The following JAKMIP1 variants were observed in gnomAD, a reference collection of about 807,000 sequenced individuals.
The protein encoded by JAKMIP1 is janus kinase and microtubule-interacting protein 1.
JAKMIP1 carries 33 observed loss-of-function variants against 113.0 expected under a neutral mutation model. The ratio of observed to expected loss-of-function variants is 0.29; its 90% CI spans 0.22 to 0.39. The LOEUF (loss-of-function observed/expected upper bound fraction) is 0.39, where lower values mean the gene tolerates loss of function less well. Among genes scored for constraint, JAKMIP1 ranks in the 10% least tolerant of loss-of-function variants. JAKMIP1 has a pLI of 1.00. For missense variants in JAKMIP1, 813 were observed against 1,080.5 expected (o/e 0.75, Z 3.47); for synonymous variants, 480 against 459.9 (o/e 1.04, Z -0.56).
chr4:6,190,263 A>G (rs1727107028), intron 1 of JAKMIP1, among the ~76,000 whole-genome samples: 1 of 152,222 alleles, frequency 6.6e-6, no homozygotes, highest in Non-Finnish European at 1.5e-5. Flanking sequence ...CATATAGATC[A>G]TAAGATGGTT....
At position 6,157,868 on chromosome 4, in the gene JAKMIP1, A is replaced by C. The variant is rs891998042; in HGVS notation, c.-148+42385T>G. 6.6e-6 allele frequency among the ~76,000 whole-genome samples: 1 copy of C among 152,180 alleles called. No individual in the cohort carries two copies. Among genetic ancestry groups the C allele is most frequent in the Non-Finnish European group, 1.5e-5 (1 of 68,026 alleles). On this transcript the variant is annotated intron_variant, in intron 1 of 20. Transcript: ENST00000409021. This position sits in a 1 kb window ranked among gnomAD's most constrained non-coding sequence, Gnocchi z 4.7. ...CAACACAGCTAACAGATTGTTGTCTATTTCCTTTCCTTGGGCTCTGTTAGA... is the reference window on the plus strand; with the variant it reads ...CAACACAGCTAACAGATTGTTGTCTCTTTCCTTTCCTTGGGCTCTGTTAGA...
chr4:6,049,619 A>C lies in JAKMIP1; in HGVS notation c.1962+200T>G, dbSNP rs181146897. Among the ~76,000 whole-genome samples, 1 of 152,182 alleles carries C rather than the reference A, an allele frequency of 6.6e-6. No individual in the cohort carries two copies. The highest frequency in any genetic ancestry group is 1.9e-4 in the East Asian group (1 of 5,180). On this transcript the variant is annotated intron_variant, in intron 15 of 20. Coordinates refer to ENST00000409021, the MANE Select transcript of JAKMIP1 (RefSeq NM_001099433.2). This position sits in a 1 kb window ranked among gnomAD's most constrained non-coding sequence, Gnocchi z 7.0. ...CCTCCTCACTCAACAGGCCAGGGGA[A>C]TCTAACTTCGGAACCCCACTTCTGA...
rs1008936182 is a variant in JAKMIP1 at position 6,105,613 on chromosome 4, G to A, written c.484C>T (p.Arg162Cys). ...CTGAGCGCCTCCTCTGCCTGCTTGC[G>A]CGCTGCCTTGAGCTCCAGGATCTCC... ...QQEILELKAA[R>C]KQAEEALSNC... Residue 162 changes from arginine (R) to cysteine (C), a missense_variant, in exon 3 of 21, where the codon CGC (arginine) becomes TGC (cysteine). By Grantham distance (180) the Arg-to-Cys change is radical (BLOSUM62 -3). Coordinates refer to ENST00000409021, the MANE Select transcript of JAKMIP1 (RefSeq NM_001099433.2). The A allele has an allele frequency of 2.5e-6, 4 of 1,594,604 alleles. No individual in the cohort carries two copies. The highest frequency in any genetic ancestry group is 1.8e-5 in the Admixed American group (1 of 56,892).
chr4:6,132,169 AC>A (rs1205877312), intron 1 of JAKMIP1, among the ~76,000 whole-genome samples: 2 of 152,214 alleles, frequency 1.3e-5, no homozygotes, highest in Non-Finnish European at 2.9e-5. Flanking sequence ...GAGAGACGAA[AC>A]GGGACTCATG....
rs189639312 is a variant in JAKMIP1, at chr4:6,059,815, C to T, written c.1644+609G>A. Among the ~76,000 whole-genome samples the T allele has an allele frequency of 3.5e-4, 54 of 152,256 alleles. 1 individual carries two copies. In the South Asian group the frequency reaches 6.6e-3, roughly 19 times the overall value. ...GAGGAGGCCGACCCATACGAACCTT[C>T]GCATGCCACCCCGAGAGGCCAGATT... is the stretch of plus-strand genomic sequence containing the variant. On this transcript the variant is annotated intron_variant, in intron 11 of 20. Coordinates refer to ENST00000409021, the MANE Select transcript of JAKMIP1 (RefSeq NM_001099433.2). The surrounding 1 kb of genome is among the most constrained non-coding windows in gnomAD (Gnocchi z 4.8).
At chr4:6,072,131 G>A (rs1016579795) in intron 8 of JAKMIP1, among the ~76,000 whole-genome samples, 1 of 152,164 alleles carries the variant, frequency 6.6e-6, no homozygotes, top group Non-Finnish European at 1.5e-5. Context: ...CTGAGCACAA[G>A]ACAATTACAT....
rs1182080424 is a variant in JAKMIP1 at position 6,178,563 on chromosome 4, C to G, written c.-148+21690G>C. 6.6e-6 allele frequency among the ~76,000 whole-genome samples: 1 copy of G among 152,076 alleles called. No homozygotes were observed. Among genetic ancestry groups the G allele is most frequent in the Non-Finnish European group, 1.5e-5 (1 of 68,012 alleles). On this transcript the variant is annotated intron_variant, in intron 1 of 20. Transcript: ENST00000409021. The surrounding 1 kb of genome is among the most constrained non-coding windows in gnomAD (Gnocchi z 5.5). Reference sequence around the variant, plus strand: ...GATGATATTGGAAGCATTTCATGAACCGGGATATTTCGAAACTGCATCTCC... The same window carrying G: ...GATGATATTGGAAGCATTTCATGAAGCGGGATATTTCGAAACTGCATCTCC...
chr4:6,174,197 C>T (rs1312245670), intron 1 of JAKMIP1, among the ~76,000 whole-genome samples: 2 of 152,144 alleles, frequency 1.3e-5, no homozygotes, highest in Non-Finnish European at 2.9e-5. Flanking sequence ...TGATGTGAGG[C>T]CTTGATCCAG....
In JAKMIP1 at chr4:6,105,767, C is replaced by T. The variant is rs776923943; in HGVS notation, c.330G>A (p.Leu110=). ...ARTAKIKEGE[L]QRLQATLNVL... ...CGTTCAGCGTGGCCTGCAGCCGCTG[C>T]AGCTCGCCCTCCTTGATCTTGGCGG... is the stretch of plus-strand genomic sequence containing the variant. Residue 110 remains leucine (L), a synonymous_variant, in exon 3 of 21, where the codon CTG becomes CTA. Transcript: ENST00000409021. The T allele has an allele frequency of 6.2e-7, 1 of 1,604,666 alleles. No individual in the cohort carries two copies. Among genetic ancestry groups the T allele is most frequent in the Non-Finnish European group, 8.5e-7 (1 of 1,178,604 alleles).
intron 18 of JAKMIP1, among the ~76,000 whole-genome samples, chr4:6,038,375 G>A (rs1713845052): frequency 8.1e-6 from 1 of 123,972 alleles, no homozygotes; most frequent in Non-Finnish European, 1.7e-5. Flanking sequence ...CGTCACTGAG[G>A]CAGAGGCTAA....
At chr4:6,063,837 C>T (rs576897842) in intron 9 of JAKMIP1, among the ~76,000 whole-genome samples, 6 of 152,322 alleles carry the variant, frequency 3.9e-5, no homozygotes, top group Admixed American at 1.3e-4. Context: ...TTCAGAGACT[C>T]GGGATGTGGG....
chr4:6,111,881 C>T lies in JAKMIP1; in HGVS notation c.129+841G>A, dbSNP rs1053236956. ...CACAGCCCCATCACATCTAAGAAAG[C>T]ACATATATGGCTTACAAGACCTCAT... On this transcript the variant is annotated intron_variant, in intron 2 of 20. Coordinates refer to ENST00000409021, the MANE Select transcript of JAKMIP1 (RefSeq NM_001099433.2). 3.9e-5 allele frequency among the ~76,000 whole-genome samples: 6 copies of T among 152,174 alleles called. No homozygotes were observed. The East Asian group carries it at 5.8e-4, about 15-fold the overall frequency.
chr4:6,171,950 G>A (rs1724781412), intron 1 of JAKMIP1, among the ~76,000 whole-genome samples: 1 of 152,188 alleles, frequency 6.6e-6, no homozygotes, highest in Non-Finnish European at 1.5e-5. Context: ...AAGCATTACT[G>A]ATATTTTTTA....
At chr4:6,118,633 G>C (rs1716199327) in intron 1 of JAKMIP1, among the ~76,000 whole-genome samples, 2 of 152,052 alleles carry the variant, frequency 1.3e-5, no homozygotes, top group South Asian at 4.1e-4. Context: ...GGCCTTCTTA[G>C]GCCTCCTGCA....
chr4:6,114,810 A>G (rs2108894667), intron 1 of JAKMIP1, among the ~76,000 whole-genome samples: 1 of 152,336 alleles, frequency 6.6e-6, no homozygotes, highest in South Asian at 2.1e-4. Context: ...TTATAACCAC[A>G]GCAGTTCTCA....
At position 6,140,360 on chromosome 4, in the gene JAKMIP1, C is replaced by T. The variant is rs761457678; in HGVS notation, c.-147-27363G>A. 1.3e-5 allele frequency among the ~76,000 whole-genome samples: 2 copies of T among 151,938 alleles called. No homozygotes were observed. The highest frequency in any genetic ancestry group is 2.1e-4 in the South Asian group (1 of 4,802). On this transcript the variant is annotated intron_variant, in intron 1 of 20. Transcript: ENST00000409021. This position sits in a 1 kb window ranked among gnomAD's most constrained non-coding sequence, Gnocchi z 9.4. ...TGATGATGGGCCGACCATAAATCCC[C>T]CCACGTGGCGAGGCTGGCTCAGCAG... is the stretch of plus-strand genomic sequence containing the variant.
chr4:6,032,431 C>T (rs901766349), intron 19 of JAKMIP1, among the ~76,000 whole-genome samples: 6 of 152,108 alleles, frequency 3.9e-5, no homozygotes, highest in Admixed American at 3.3e-4. Flanking sequence ...AGCTCTGTTG[C>T]TTCCTGGCTG....
At chr4:6,072,571 C>T (rs1719119055) in intron 8 of JAKMIP1, among the ~76,000 whole-genome samples, 1 of 152,190 alleles carries the variant, frequency 6.6e-6, no homozygotes, top group Admixed American at 6.5e-5. Context: ...CGAGGCCAGC[C>T]CTGTAAACAG....
chr4:6,130,612 T>C (rs1718360158), intron 1 of JAKMIP1, among the ~76,000 whole-genome samples: 3 of 152,140 alleles, frequency 2.0e-5, no homozygotes, highest in Admixed American at 6.6e-5. Flanking sequence ...ACGATTAATA[T>C]GCCAAGGATT....
Sources: gnomAD v4.1 joint callset for allele counts (sites outside exome capture counted in the v4.1 genomes callset) on GRCh38, gnomAD v4.1.1 for gene constraint, Gnocchi (gnomAD v3.1) non-coding constraint, MANE v1.5 for transcripts, NCBI Gene and HGNC (gene_info 2026-07-23, HGNC 2026-07-21) for gene names.